The following FAM83B variants were observed in gnomAD, a reference collection of about 807,000 sequenced individuals.
FAM83B encodes the protein protein FAM83B.
In FAM83B, 26 loss-of-function variants were observed where a neutral mutation model predicts 38.8. The observed-to-expected ratio is 0.67, with a 90% CI of 0.49 to 0.93. The LOEUF is 0.93. FAM83B is among the 40% of genes least tolerant of loss of function. The probability of loss-of-function intolerance (pLI) is 0.00; values close to 1 mark genes in which losing one functional copy is unlikely to be tolerated. For synonymous variants in FAM83B, 419 were observed against 423.1 expected (o/e 0.99, Z 0.12); for missense variants, 1,237 against 1,197.3 (o/e 1.03, Z -0.49).
chr6:54,898,698 C>T (rs1308387407), intron 2 of FAM83B, among the ~76,000 whole-genome samples: 2 of 152,152 alleles, frequency 1.3e-5, no homozygotes, highest in Non-Finnish European at 2.9e-5. Flanking sequence ...TAACTCTTTC[C>T]TCTTTCCCGT....
At chr6:54,923,916 A>G (rs950965820) in intron 2 of FAM83B, among the ~76,000 whole-genome samples, 9 of 150,918 alleles carry the variant, frequency 6.0e-5, no homozygotes, top group African/African-American at 2.2e-4. Flanking sequence ...ATTGCCTACT[A>G]AAAGATATTG....
rs1212119930 is a variant in FAM83B, at chr6:54,944,375, G to A, written c.*2368G>A. ...CAGCTTTTACTGTCTACATGGTACT[G>A]TACATTAGTTTTTAAGCAGAAACAC... On this transcript the variant is annotated 3_prime_UTR_variant, in exon 5 of 5. Transcript: ENST00000306858. 6.6e-6 allele frequency: 1 copy of A among 152,094 alleles called. No homozygotes were observed. The highest frequency in any genetic ancestry group is 2.4e-5 in the African/African-American group (1 of 41,424). 9.4% of individuals were successfully genotyped at this position (152,094 alleles called of 1,614,324 possible).
intron 1 of FAM83B, among the ~76,000 whole-genome samples, chr6:54,869,393 CG>C (rs1771790665): frequency 6.6e-6 from 1 of 152,124 alleles, no homozygotes; most frequent in Admixed American, 6.6e-5. Flanking sequence ...ACTTTGTGTC[CG>C]TCCATTCTTG....
chr6:54,936,110 G>A (rs957144996), intron 4 of FAM83B, among the ~76,000 whole-genome samples: 5 of 152,128 alleles, frequency 3.3e-5, no homozygotes, highest in Non-Finnish European at 5.9e-5. Flanking sequence ...TACGATAATA[G>A]AGGAATACAG....
chr6:54,940,507 T>C lies in FAM83B; in HGVS notation c.1536T>C (p.Asn512=), dbSNP rs749453308. Residue 512 remains asparagine (N), a synonymous_variant, in exon 5 of 5, where the codon AAT becomes AAC. Transcript: ENST00000306858. ...ATTCAGAAGCTACACCGGACTCAAA[T>C]GGATCAGCTTTAGGTGACCGATTTG... is the stretch of plus-strand genomic sequence containing the variant. ...NDHSEATPDS[N]GSALGDRFEG... The C allele has an allele frequency of 2.5e-6, 4 of 1,614,124 alleles. No homozygotes were observed. In the South Asian group the frequency reaches 3.3e-5, roughly 13 times the overall value.
At chr6:54,931,153 G>T (rs1773411416) in intron 4 of FAM83B, among the ~76,000 whole-genome samples, 1 of 152,174 alleles carries the variant, frequency 6.6e-6, no homozygotes, top group South Asian at 2.1e-4. Context: ...TCTGTTGCAA[G>T]TAAGATACTT....
At chr6:54,873,014 ATTTTATTTT>A (rs1307319057) in intron 2 of FAM83B, among the ~76,000 whole-genome samples, 13 of 148,178 alleles carry the variant, frequency 8.8e-5, no homozygotes, top group South Asian at 2.1e-4. Flanking sequence ...AATTTTATTT[ATTTTATTTT>A]TTTTATTTTT....
rs548153326 is a variant in FAM83B, at chr6:54,943,379, T to G, written c.*1372T>G. The G allele has an allele frequency of 2.0e-5, 3 of 152,302 alleles. No homozygotes were observed. The South Asian group carries it at 6.2e-4, about 32-fold the overall frequency. The allele number at this position is 152,302 out of a possible 1,614,324, so 9.4% of individuals were successfully genotyped here. On this transcript the variant is annotated 3_prime_UTR_variant, in exon 5 of 5. Coordinates refer to ENST00000306858, the MANE Select transcript of FAM83B (RefSeq NM_001010872.3). ...TCTGTTCCAGAGACTTTAACTTGAC[T>G]TTGCTTCATTCACAAAGAACAGAGT...
intron 1 of FAM83B, among the ~76,000 whole-genome samples, chr6:54,854,151 CATAGATGA>C (rs1771383028): frequency 6.6e-6 from 1 of 152,088 alleles, no homozygotes; most frequent in African/African-American, 2.4e-5. Flanking sequence ...TGTTGTTTCT[CATAGATGA>C]ACAAAGAAAG....
At position 54,884,131 on chromosome 6, in the gene FAM83B, G is replaced by A. The variant is rs148960099; in HGVS notation, c.444+13441G>A. Among the ~76,000 whole-genome samples the A allele has an allele frequency of 3.3e-3, 500 of 152,010 alleles. 4 individuals are homozygous for A. The highest frequency in any genetic ancestry group is 5.2e-3 in the Non-Finnish European group (356 of 67,974). The stretch of plus-strand genomic sequence containing the variant: ...ATCCTGGCCAACATGGTGAAACTCC[G>A]TCTGTACAAAAAATACAAAAATTAG... On this transcript the variant is annotated intron_variant, in intron 2 of 4. Coordinates refer to ENST00000306858, the MANE Select transcript of FAM83B (RefSeq NM_001010872.3).
At chr6:54,847,020 A>T (rs911346387) in intron 1 of FAM83B, among the ~76,000 whole-genome samples, 194 bp downstream of exon 1, 10 of 152,136 alleles carry the variant, frequency 6.6e-5, no homozygotes, top group African/African-American at 9.7e-5. Flanking sequence ...TGTAAAGCTC[A>T]GTTGCTTCAG....
chr6:54,869,026 T>G (rs1449029084), intron 1 of FAM83B, among the ~76,000 whole-genome samples: 2 of 152,154 alleles, frequency 1.3e-5, no homozygotes, highest in African/African-American at 4.8e-5. Flanking sequence ...GACTGGAAAG[T>G]CCATCATCTG....
intron 1 of FAM83B, among the ~76,000 whole-genome samples, chr6:54,847,810 G>C (rs1239081630): frequency 6.6e-6 from 1 of 152,172 alleles, no homozygotes; most frequent in Non-Finnish European, 1.5e-5. Context: ...CTCTGACCTA[G>C]AAGTGGAAAT....
chr6:54,878,311 A>G (rs765154996), intron 2 of FAM83B, among the ~76,000 whole-genome samples: 28 of 152,218 alleles, frequency 1.8e-4, no homozygotes, highest in Admixed American at 4.6e-4. Context: ...TTAAAGTACC[A>G]AAGAAACCCT....
At chr6:54,932,848 G>C (rs1371652566) in intron 4 of FAM83B, among the ~76,000 whole-genome samples, 1 of 152,080 alleles carries the variant, frequency 6.6e-6, no homozygotes, top group Non-Finnish European at 1.5e-5. Context: ...AAGCTCCCTT[G>C]TATGTGACAA....
intron 1 of FAM83B, among the ~76,000 whole-genome samples, chr6:54,855,045 C>G (rs964378089): frequency 6.6e-6 from 1 of 152,272 alleles, no homozygotes; most frequent in East Asian, 1.9e-4. Flanking sequence ...CATCCTGTCA[C>G]TAACTTCAGA....
intron 4 of FAM83B, among the ~76,000 whole-genome samples, chr6:54,938,725 T>C (rs1358002263): frequency 6.6e-6 from 1 of 152,216 alleles, no homozygotes; most frequent in East Asian, 1.9e-4. Flanking sequence ...ATTTGTTTTT[T>C]TCTTGCTGAT....
chr6:54,896,259 T>C (rs1257232350), intron 2 of FAM83B, among the ~76,000 whole-genome samples: 1 of 152,186 alleles, frequency 6.6e-6, no homozygotes, highest in African/African-American at 2.4e-5. Context: ...ATCAACTGAT[T>C]ATACCAAAAG....
intron 1 of FAM83B, among the ~76,000 whole-genome samples, chr6:54,868,745 C>G (rs1325970655): frequency 6.6e-6 from 1 of 152,138 alleles, no homozygotes; most frequent in Non-Finnish European, 1.5e-5. Flanking sequence ...GGGCTTGGAT[C>G]AAATTATGAC....
Sources: allele counts gnomAD v4.1 joint callset (sites outside exome capture counted in the v4.1 genomes callset), GRCh38; gene constraint gnomAD v4.1.1; transcripts MANE v1.5; gene names NCBI Gene and HGNC (gene_info 2026-07-23, HGNC 2026-07-21).